TRMT1: variants seen among roughly 807,000 people sequenced by gnomAD.
TRMT1 encodes the protein tRNA methyltransferase 1.
A neutral mutation model predicts 75.4 loss-of-function variants in TRMT1; 63 were observed. That is an observed-to-expected ratio of 0.84 (90% CI 0.68 to 1.03). The LOEUF (loss-of-function observed/expected upper bound fraction) is 1.03, where lower values mean the gene tolerates loss of function less well. Ranked by LOEUF, TRMT1 falls within the 50% of genes least tolerant of loss-of-function variation. The probability of loss-of-function intolerance (pLI) is 0.00; values close to 1 mark genes in which losing one functional copy is unlikely to be tolerated. For synonymous variants in TRMT1, 382 were observed against 358.1 expected, an observed-to-expected ratio of 1.07 and a Z score of -0.75; for missense variants, 870 against 905.3, an observed-to-expected ratio of 0.96 and a Z score of 0.50.
In TRMT1 at chr19:13,116,379, C is replaced by A. The variant is rs1357887994; in HGVS notation, c.21G>T (p.Trp7Cys). 5.6e-6 allele frequency: 9 copies of A among 1,607,492 alleles called. No homozygotes were observed. The highest frequency in any genetic ancestry group is 7.6e-6 in the Non-Finnish European group (9 of 1,178,348). Reference protein sequence around the residue: MQGSSLWLSLTFRSARV... With the variant: MQGSSLCLSLTFRSARV... ...GGGCGGAGCGGAAAGTGAGGCTTAG[C>A]CACAGAGACGATCCTTGCATGAGAC... Residue 7 changes from tryptophan to cysteine, a missense_variant, in exon 2 of 17, where the codon TGG (tryptophan) becomes TGT (cysteine). By Grantham distance (215) the Trp-to-Cys change is radical. Coordinates refer to ENST00000357720, the MANE Select transcript of TRMT1 (RefSeq NM_001136035.4).
chr19:13,115,846 G>A (rs73507391), intron 3 of TRMT1, 78 bp from the exon 4 acceptor site: 2 of 1,605,932 alleles, frequency 1.2e-6, no homozygotes, highest in African/African-American at 1.3e-5. Flanking sequence ...CCAAAATATC[G>A]TCCCTGAAAT....
At chr19:13,113,270 C>T (rs538682779) in intron 5 of TRMT1, among the ~76,000 whole-genome samples, 18 of 152,052 alleles carry the variant, frequency 1.2e-4, no homozygotes, top group African/African-American at 3.9e-4. Context: ...GCAATTCTCG[C>T]GCCTCAGCCT....
chr19:13,107,996 T>A, intron 12 of TRMT1, 137 bp from the exon 13 acceptor site: 1 of 604,308 alleles, frequency 1.7e-6, no homozygotes, highest in East Asian at 2.9e-5. Context: ...TTTTTTTTTT[T>A]TTTTTTTTTT....
rs1280549676 is a variant in TRMT1, at chr19:13,105,259, G to A, written c.1833+8C>T. On this transcript the variant is annotated splice_region_variant and intron_variant, in intron 16 of 16. Transcript: ENST00000357720. ...CCTGCAGTGGAGGAAAGGGAGGAGGGACCTCACCTCCTTAAACCTCTTGCA... is the reference window on the plus strand; with the variant it reads ...CCTGCAGTGGAGGAAAGGGAGGAGGAACCTCACCTCCTTAAACCTCTTGCA... 1.9e-6 allele frequency: 3 copies of A among 1,611,414 alleles called. No homozygotes were observed. Among genetic ancestry groups the A allele is most frequent in the South Asian group, 1.1e-5 (1 of 90,686 alleles).
chr19:13,115,207 G>C, intron 5 of TRMT1, 72 bp downstream of exon 5: 1 of 1,489,216 alleles, frequency 6.7e-7, no homozygotes, highest in South Asian at 1.3e-5. Flanking sequence ...CACAGAGTGA[G>C]AATGTGACAG....
chr19:13,107,650 C>T lies in TRMT1; in HGVS notation c.1507G>A (p.Glu503Lys). ...SALWDIMRCWEKECPVKRERL... is the reference protein window; with the variant it reads ...SALWDIMRCWKKECPVKRERL... ...TCCCGTTTCACCGGACATTCCTTCT[C>T]CTGGGGGCAGAGGTCAGAGGTTAGG... Residue 503 changes from glutamate to lysine, a missense_variant and splice_region_variant, in exon 14 of 17, where the codon GAG becomes AAG. Physicochemically the swap from Glu to Lys is moderately conservative, Grantham distance 56 (BLOSUM62 1). Coordinates refer to ENST00000357720, the MANE Select transcript of TRMT1 (RefSeq NM_001136035.4). 1 of 1,604,798 alleles carries T rather than the reference C, an allele frequency of 6.2e-7. No individual in the cohort carries two copies. Among genetic ancestry groups the T allele is most frequent in the Non-Finnish European group, 8.5e-7 (1 of 1,174,736 alleles).
chr19:13,115,783 A>C lies in TRMT1; in HGVS notation c.311-15T>G. 1 of 1,613,912 alleles carries C rather than the reference A, an allele frequency of 6.2e-7. No individual in the cohort carries two copies. The highest frequency in any genetic ancestry group is 8.5e-7 in the Non-Finnish European group (1 of 1,179,972). On this transcript the variant is annotated splice_polypyrimidine_tract_variant and intron_variant, in intron 3 of 16. Coordinates refer to ENST00000357720, the MANE Select transcript of TRMT1 (RefSeq NM_001136035.4). ...TGGAACCTTGACTGCAGCCACCCAG[A>C]GGCACAAGTCAGAGAATAACAAGGT...
intron 12 of TRMT1, 118 bp from the exon 13 acceptor site, chr19:13,107,977 TTTC>T (rs2018959578): frequency 4.4e-6 from 3 of 678,804 alleles, no homozygotes; most frequent in Non-Finnish European, 4.9e-6. Context: ...GTTCATTTCT[TTTC>T]TTTTCTTTTT....
chr19:13,109,085 GGTGTGTGT>G (rs57825932), intron 12 of TRMT1, among the ~76,000 whole-genome samples: 31 of 147,272 alleles, frequency 2.1e-4, no homozygotes, highest in Non-Finnish European at 1.5e-5. Context: ...CAGGCTAATG[GGTGTGTGT>G]GTGTGTGTGT....
In TRMT1 at chr19:13,116,274, C is replaced by A; in HGVS notation, c.126G>T (p.Gly42=). 1.2e-6 allele frequency: 2 copies of A among 1,614,170 alleles called. No homozygotes were observed. Among genetic ancestry groups the A allele is most frequent in the South Asian group, 2.2e-5 (2 of 91,080 alleles). Residue 42 remains glycine, a synonymous_variant, in exon 2 of 17, where the codon GGG becomes GGT. Coordinates refer to ENST00000357720, the MANE Select transcript of TRMT1 (RefSeq NM_001136035.4). ...PNTAAMENGT[G]PYGEERPREV... ...CACGTGGACGTTCTTCTCCGTAGGG[C>A]CCGGTGCCGTTCTCCATCGCTGCTG...
chr19:13,115,385 A>T lies in TRMT1; in HGVS notation c.535T>A (p.Ser179Thr). The change falls in exon 5 of 17, where the codon TCT (serine) becomes ACT (threonine). Residue 179 changes from serine (S) to threonine (T), a missense_variant. Coordinates refer to ENST00000357720, the MANE Select transcript of TRMT1 (RefSeq NM_001136035.4). ...GTGGAGGCATCGTTTGCAACCACAG[A>T]TCTGAGCCCAGGCACCTCTAGGGCA... ...RFALEVPGLR[S>T]VVANDASTRA... 6.2e-7 allele frequency: 1 copy of T among 1,614,116 alleles called. No individual in the cohort carries two copies. The highest frequency in any genetic ancestry group is 8.5e-7 in the Non-Finnish European group (1 of 1,180,026).
At chr19:13,108,739 A>C (rs1169547635) in intron 12 of TRMT1, among the ~76,000 whole-genome samples, 1 of 151,386 alleles carries the variant, frequency 6.6e-6, no homozygotes, top group African/African-American at 2.4e-5. Flanking sequence ...CCTCCCAAGT[A>C]GCTGGGACTA....
At chr19:13,105,657 TGTG>T (rs757763058) in intron 14 of TRMT1, 51 bp from the exon 15 acceptor site, 13 of 1,561,764 alleles carry the variant, frequency 8.3e-6, no homozygotes, top group Non-Finnish European at 1.1e-5. Flanking sequence ...GCCACACGAG[TGTG>T]TCCCCACTCC....
Position 13,109,947 on chromosome 19 carries a change from A to G in TRMT1, c.1074T>C (p.Arg358=), listed in dbSNP as rs758094986. The G allele has an allele frequency of 1.9e-6, 3 of 1,613,770 alleles. No homozygotes were observed. The highest frequency in any genetic ancestry group is 1.7e-5 in the Admixed American group (1 of 59,992). Residue 358 remains arginine (R), a synonymous_variant, in exon 9 of 17, where the codon CGT becomes CGC. Transcript: ENST00000357720. ...TGGGGACTCCTGACGCTTTGCCGAGACGCTGAAGGTGGAAGGCCCCGCAGC... is the reference window on the plus strand; with the variant it reads ...TGGGGACTCCTGACGCTTTGCCGAGGCGCTGAAGGTGGAAGGCCCCGCAGC... ...CVGCGAFHLQ[R]LGKASGVPSG...
At chr19:13,106,752 G>C (rs1242563842) in intron 14 of TRMT1, among the ~76,000 whole-genome samples, 1 of 151,564 alleles carries the variant, frequency 6.6e-6, no homozygotes, top group Non-Finnish European at 1.5e-5. Flanking sequence ...CTCCCAAAGT[G>C]CTGGGATTAC....
At position 13,115,339 on chromosome 19, in the gene TRMT1, C is replaced by T. The variant is rs772489089; in HGVS notation, c.581G>A (p.Arg194His). 19 of 1,613,896 alleles carry T rather than the reference C, an allele frequency of 1.2e-5. No homozygotes were observed. The highest frequency in any genetic ancestry group is 6.7e-5 in the Admixed American group (4 of 59,998). The change falls in exon 5 of 17, where the codon CGC becomes CAC. Residue 194 changes from arginine to histidine, a missense_variant. Transcript: ENST00000357720. ...CACGTCATTGAGCTGGACATTCCGG[C>T]GTATGAGATCCACAGCCCGGGTGGA... ...DASTRAVDLI[R>H]RNVQLNDVAH... is the part of the protein sequence containing the mutation.
chr19:13,112,628 G>T, intron 7 of TRMT1, 77 bp downstream of exon 7: 1 of 1,414,628 alleles, frequency 7.1e-7, no homozygotes, highest in Non-Finnish European at 9.7e-7. Context: ...CTGAGGAGGG[G>T]GAAAGTGTAT....
In TRMT1 at chr19:13,109,450, G is replaced by A. The variant is rs990378337; in HGVS notation, c.1328C>T (p.Pro443Leu). ...SVITEELPDV[P>L]LYYTLDQLSS... ...CAGCTGGTCCAGGGTGTAGTACAGA[G>A]GCACGTCCGGGAGCTCCTGCGATGG... The change falls in exon 12 of 17, where the codon CCT (proline) becomes CTT (leucine). Residue 443 changes from proline (P) to leucine (L), a missense_variant. Coordinates refer to ENST00000357720, the MANE Select transcript of TRMT1 (RefSeq NM_001136035.4). 1 of 1,613,802 alleles carries A rather than the reference G, an allele frequency of 6.2e-7. No homozygotes were observed. Among genetic ancestry groups the A allele is most frequent in the Non-Finnish European group, 8.5e-7 (1 of 1,180,018 alleles).
chr19:13,115,609 C>G lies in TRMT1; in HGVS notation c.453+17G>C. ...CGCTAAATTCCAGGGCTGCCAGCTCCTATGCTCAGGCCCCACCTCACAGAT... is the reference window on the plus strand; with the variant it reads ...CGCTAAATTCCAGGGCTGCCAGCTCGTATGCTCAGGCCCCACCTCACAGAT... On this transcript the variant is annotated intron_variant, in intron 4 of 16. Coordinates refer to ENST00000357720, the MANE Select transcript of TRMT1 (RefSeq NM_001136035.4). 1 of 1,613,626 alleles carries G rather than the reference C, an allele frequency of 6.2e-7. No homozygotes were observed. The highest frequency in any genetic ancestry group is 8.5e-7 in the Non-Finnish European group (1 of 1,179,840).
Sources: gnomAD v4.1 joint callset for allele counts (sites outside exome capture counted in the v4.1 genomes callset) on GRCh38, gnomAD v4.1.1 for gene constraint, MANE v1.5 for transcripts, NCBI Gene and HGNC (gene_info 2026-07-23, HGNC 2026-07-21) for gene names.